The following THBS2 variants were observed in gnomAD, a reference collection of about 807,000 sequenced individuals.
THBS2 encodes thrombospondin 2, also known as thrombospondin-2.
Under a neutral mutation model 135.2 loss-of-function variants are expected in THBS2, and 47 were observed. The ratio of observed to expected loss-of-function variants is 0.35; its 90% confidence interval spans 0.28 to 0.44. THBS2 has a LOEUF of 0.44. Ranked by LOEUF, THBS2 falls within the 20% of genes least tolerant of loss-of-function variation. THBS2 has a pLI of 1.00. For synonymous variants in THBS2, 639 were observed against 633.8 expected (o/e 1.01, Z -0.12); for missense variants, 1,288 against 1,603.1 (o/e 0.80, Z 3.36).
chr6:169,230,432 G>C (rs1779792622), intron 13 of THBS2, among the ~76,000 whole-genome samples: 1 of 152,138 alleles, frequency 6.6e-6, no homozygotes, highest in African/African-American at 2.4e-5. Flanking sequence ...TCTTGTGCTG[G>C]AGCCCAGAGT....
Position 169,226,220 on chromosome 6 carries a change from T to C in THBS2, c.2498A>G (p.Asp833Gly), listed in dbSNP as rs1022641307. 12 of 1,614,084 alleles carry C rather than the reference T, an allele frequency of 7.4e-6. No individual in the cohort carries two copies. The East Asian group carries it at 2.5e-4, about 33-fold the overall frequency. ...CACCAGGGGGCAGTTGTCACAGTGA[T>C]CCCCCACACCGTCACCATCCGTGTC... The part of the protein sequence containing the change: ...QRDTDGDGVG[D>G]HCDNCPLVHN... Residue 833 changes from aspartate (D) to glycine (G), a missense_variant, in exon 16 of 22, where the codon GAT (aspartate) becomes GGT (glycine). Asp to Gly is a moderately conservative substitution (Grantham distance 94, BLOSUM62 -1). This residue lies in a region of THBS2 where 874 missense variants were observed against 1,156.1 expected (regional missense o/e 0.76). Transcript: ENST00000617924.
Position 169,216,841 on chromosome 6 carries a change from T to TAA in THBS2, c.*979_*980dup, listed in dbSNP as rs1055099281. On this transcript the variant is annotated 3_prime_UTR_variant, in exon 22 of 22. Transcript: ENST00000617924. ...TTAATAAATATTAACAAAATATTTATAACTGGAACCTTAATGAAATGTATC... is the reference window on the plus strand; with the variant it reads ...TTAATAAATATTAACAAAATATTTATAAAACTGGAACCTTAATGAAATGTATC... 6.6e-6 allele frequency: 1 copy of TAA among 152,248 alleles called. No homozygotes were observed. Among genetic ancestry groups the TAA allele is most frequent in the Non-Finnish European group, 1.5e-5 (1 of 68,036 alleles). 9.4% of individuals were successfully genotyped at this position (152,248 alleles called of 1,614,324 possible).
intron 4 of THBS2, among the ~76,000 whole-genome samples, chr6:169,243,533 A>T (rs1780449287): frequency 6.6e-6 from 1 of 152,208 alleles, no homozygotes; most frequent in South Asian, 2.1e-4. Context: ...GTTTTTAATC[A>T]CTTGGTTATA....
At position 169,248,409 on chromosome 6, in the gene THBS2, G is replaced by C. The variant is rs1780633271; in HGVS notation, c.609+8C>G. The C allele has an allele frequency of 6.3e-7, 1 of 1,595,520 alleles. No homozygotes were observed. On this transcript the variant is annotated splice_region_variant and intron_variant, in intron 3 of 21. Transcript: ENST00000617924. ...CCCTCACGGCGGCCACCTCCCTGCA[G>C]AGCGTACCCTGAAGTGACTCTCTCT...
chr6:169,218,158 A>T (rs1779253753), intron 21 of THBS2, among the ~76,000 whole-genome samples: 1 of 140,734 alleles, frequency 7.1e-6, no homozygotes, highest in African/African-American at 2.8e-5. Flanking sequence ...GGATGGATGA[A>T]ATGAGTGGGT....
chr6:169,235,199 T>G (rs916660390), intron 9 of THBS2, among the ~76,000 whole-genome samples: 3 of 152,094 alleles, frequency 2.0e-5, no homozygotes, highest in African/African-American at 7.2e-5. Flanking sequence ...TAAAAGAATT[T>G]TTTTAATAGA....
At chr6:169,222,603 TG>T (rs1404912919) in intron 18 of THBS2, 135 bp from the exon 19 acceptor site, 2 of 951,068 alleles carry the variant, frequency 2.1e-6, no homozygotes, top group Non-Finnish European at 3.2e-6. Context: ...GAGACTGGTC[TG>T]ACCAATATGG....
chr6:169,232,281 G>A, intron 12 of THBS2, 83 bp from the exon 13 acceptor site: 1 of 1,478,488 alleles, frequency 6.8e-7, no homozygotes, highest in Non-Finnish European at 9.3e-7. Context: ...GGCACCGCAG[G>A]CCCCAGCAGG....
chr6:169,231,748 A>G (rs1015301525), intron 13 of THBS2, among the ~76,000 whole-genome samples: 1 of 152,152 alleles, frequency 6.6e-6, no homozygotes, highest in East Asian at 1.9e-4. Context: ...GACGTGCCCG[A>G]GGTTCTCTGT....
intron 14 of THBS2, among the ~76,000 whole-genome samples, chr6:169,229,344 T>A (rs888534118): frequency 2.6e-5 from 4 of 152,068 alleles, no homozygotes; most frequent in African/African-American, 7.2e-5. Context: ...ATAGAAAAAA[T>A]TATTCAAAAC....
rs904187065 is a variant in THBS2, at chr6:169,217,523, TAAAC to T, written c.*295_*298del. The T allele has an allele frequency of 2.7e-5, 11 of 410,986 alleles. No individual in the cohort carries two copies. Among genetic ancestry groups the T allele is most frequent in the South Asian group, 8.6e-5 (1 of 11,620 alleles). The allele number at this position is 410,986 out of a possible 1,614,324, so 25.5% of individuals were successfully genotyped here. A position where few individuals can be genotyped will look rare whatever the true frequency, so the allele number is the denominator to read the frequency against. On this transcript the variant is annotated 3_prime_UTR_variant, in exon 22 of 22. Coordinates refer to ENST00000617924, the MANE Select transcript of THBS2 (RefSeq NM_003247.5). ...TTTTATATGTAAACGTCATTCTTTT[TAAAC>T]AAACAAGAAAAAGCAATGTAATGGC... is the stretch of plus-strand genomic sequence containing the variant.
Position 169,232,939 on chromosome 6 carries a change from C to A in THBS2, c.1730G>T (p.Cys577Phe). 1 of 1,572,260 alleles carries A rather than the reference C, an allele frequency of 6.4e-7. No homozygotes were observed. Among genetic ancestry groups the A allele is most frequent in the Non-Finnish European group, 8.6e-7 (1 of 1,159,468 alleles). The change falls in exon 11 of 22, where the codon TGC becomes TTC. Residue 577 changes from cysteine to phenylalanine, a missense_variant. Cys to Phe is a radical substitution (Grantham distance 205, BLOSUM62 -2). Coordinates refer to ENST00000617924, the MANE Select transcript of THBS2 (RefSeq NM_003247.5). ...FPDGSWSCGS[C>F]PVGFLGNGTH... ...GCCATTGCCCAAGAAGCCCACAGGG[C>A]AGGAGCCGCATGACCAGGACCCATC... is the stretch of plus-strand genomic sequence containing the variant.
At position 169,217,561 on chromosome 6, in the gene THBS2, T is replaced by G; in HGVS notation, c.*261A>C. 1 of 449,706 alleles carries G rather than the reference T, an allele frequency of 2.2e-6. No homozygotes were observed. Among genetic ancestry groups the G allele is most frequent in the Non-Finnish European group, 4.0e-6 (1 of 250,202 alleles). 27.9% of individuals were successfully genotyped at this position (449,706 alleles called of 1,614,324 possible). ...AAAAGCAATGTAATGGCATGCCCAA[T>G]TTTCACTCCACATAAAGTCTCATAT... is the stretch of plus-strand genomic sequence containing the variant. On this transcript the variant is annotated 3_prime_UTR_variant, in exon 22 of 22. Coordinates refer to ENST00000617924, the MANE Select transcript of THBS2 (RefSeq NM_003247.5).
intron 16 of THBS2, among the ~76,000 whole-genome samples, chr6:169,225,851 T>G (rs1382073020): frequency 1.3e-5 from 2 of 152,218 alleles, no homozygotes; most frequent in Admixed American, 1.3e-4. Flanking sequence ...AGACACAACC[T>G]CGCTCCAGCT....
intron 18 of THBS2, 52 bp downstream of exon 18, chr6:169,223,196 G>A: frequency 6.4e-7 from 1 of 1,553,412 alleles, no homozygotes; most frequent in South Asian, 1.2e-5. Flanking sequence ...ATCTTCTGTG[G>A]GCGCCTCCCC....
chr6:169,232,233 C>T (rs754022416), intron 12 of THBS2, 35 bp from the exon 13 acceptor site: 3 of 1,607,964 alleles, frequency 1.9e-6, no homozygotes, highest in Non-Finnish European at 2.5e-6. Context: ...TAGCGACAGG[C>T]AGGACGATGG....
At chr6:169,218,175 ATGGATGAGTGGGTTGG>A (rs1779255079) in intron 21 of THBS2, among the ~76,000 whole-genome samples, 2 of 140,100 alleles carry the variant, frequency 1.4e-5, no homozygotes, top group Non-Finnish European at 3.0e-5. Context: ...GGGTGGATGG[ATGGATGAGTGGGTTGG>A]TGGATGAGAT....
At chr6:169,223,512 C>CA (rs1393188586) in intron 17 of THBS2, 37 bp from the exon 18 acceptor site, 1 of 1,585,476 alleles carries the variant, frequency 6.3e-7, no homozygotes, top group Non-Finnish European at 8.6e-7. Flanking sequence ...AAAACAAAAA[C>CA]AAAGAAGCAA....
intron 4 of THBS2, among the ~76,000 whole-genome samples, chr6:169,245,820 G>A (rs191616926): frequency 2.0e-5 from 3 of 149,262 alleles, no homozygotes; most frequent in Admixed American, 6.7e-5. Flanking sequence ...GAAAACTTCT[G>A]TAAGTCAAGT....
Sources: gnomAD v4.1 joint callset for allele counts (sites outside exome capture counted in the v4.1 genomes callset) on GRCh38, gnomAD v4.1.1 for gene constraint, gnomAD v4.1.1 regional missense constraint, MANE v1.5 for transcripts, NCBI Gene and HGNC (gene_info 2026-07-23, HGNC 2026-07-21) for gene names.